WWOX: variants seen among roughly 807,000 people sequenced by gnomAD.
The protein encoded by WWOX is WW domain containing oxidoreductase, also known as WW domain-containing oxidoreductase.
Under a neutral mutation model 46.2 loss-of-function variants are expected in WWOX, and 69 were observed. That is an observed-to-expected ratio of 1.49 (90% confidence interval 1.23 to 1.82). The LOEUF (loss-of-function observed/expected upper bound fraction) is 1.82, where lower values mean the gene tolerates loss of function less well. WWOX is among the 40% of genes most tolerant of loss of function. The pLI, the probability that WWOX is intolerant of heterozygous loss-of-function variation, is 0.00. For missense variants in WWOX, 919 were observed against 542.6 expected (o/e 1.69, Z -6.89); for synonymous variants, 359 against 202.6 (o/e 1.77, Z -6.56).
intron 8 of WWOX, among the ~76,000 whole-genome samples, chr16:78,574,314 C>G (rs549614854): frequency 1.3e-5 from 2 of 152,310 alleles, no homozygotes; most frequent in African/African-American, 4.8e-5. Context: ...AGTCAGAAGT[C>G]CTGCACACAT....
chr16:78,901,957 C>G (rs1470122646), intron 8 of WWOX, among the ~76,000 whole-genome samples: 2 of 152,184 alleles, frequency 1.3e-5, no homozygotes, highest in Non-Finnish European at 2.9e-5. Flanking sequence ...CATTCCCACT[C>G]CATTATGTGT....
intron 8 of WWOX, among the ~76,000 whole-genome samples, chr16:78,999,830 G>C (rs1444854129): frequency 6.6e-6 from 1 of 152,148 alleles, no homozygotes; most frequent in Non-Finnish European, 1.5e-5. Context: ...ATGCGTGTAA[G>C]AAATTGGCAC....
chr16:78,497,636 C>T (rs1046362705), intron 8 of WWOX, among the ~76,000 whole-genome samples: 54 of 152,060 alleles, frequency 3.6e-4, no homozygotes, highest in African/African-American at 1.2e-3. Flanking sequence ...AAAAATGGCC[C>T]TTCCAACATC....
At chr16:78,588,183 G>A (rs898035873) in intron 8 of WWOX, among the ~76,000 whole-genome samples, 4 of 152,180 alleles carry the variant, frequency 2.6e-5, no homozygotes, top group Non-Finnish European at 5.9e-5. Flanking sequence ...TCCCCTGGGT[G>A]GCTCCATTGC....
chr16:79,033,234 A>G (rs1303695570), intron 8 of WWOX, among the ~76,000 whole-genome samples: 1 of 147,456 alleles, frequency 6.8e-6, no homozygotes, highest in Non-Finnish European at 1.5e-5. Context: ...GGGTAAAACA[A>G]AGTCTATAAA....
rs765069913 is a variant in WWOX at position 78,775,596 on chromosome 16, C to G, written c.1056+342844C>G. 3.3e-5 allele frequency among the ~76,000 whole-genome samples: 5 copies of G among 152,256 alleles called. No homozygotes were observed. In the East Asian group the frequency reaches 9.7e-4, roughly 29 times the overall value. On this transcript the variant is annotated intron_variant, in intron 8 of 8. Coordinates refer to ENST00000566780, the MANE Select transcript of WWOX (RefSeq NM_016373.4). ...TGGAGGGCATGGTGTTTCACTCCCC[C>G]ACCTCTCCCCACAACTTCACCCTGC... is the stretch of plus-strand genomic sequence containing the variant.
intron 5 of WWOX, among the ~76,000 whole-genome samples, chr16:78,188,940 C>T (rs1422904436): frequency 6.6e-6 from 1 of 151,698 alleles, no homozygotes; most frequent in East Asian, 1.9e-4. Flanking sequence ...AAGCAGGGTA[C>T]AAGGAAAAGG....
chr16:78,523,987 A>G (rs1044081805), intron 8 of WWOX, among the ~76,000 whole-genome samples: 5 of 152,214 alleles, frequency 3.3e-5, no homozygotes, highest in African/African-American at 1.2e-4. Context: ...CTACTATACA[A>G]ATACACAATT....
chr16:78,975,234 G>T lies in WWOX; in HGVS notation c.1057-236374G>T, dbSNP rs972923522. Among the ~76,000 whole-genome samples, 3 of 152,138 alleles carry T rather than the reference G, an allele frequency of 2.0e-5. No individual in the cohort carries two copies. The East Asian group carries it at 5.8e-4, about 29-fold the overall frequency. ...ATCTGGTTCAAGGGTTCTCAGATGG[G>T]ACCACTTTTGCACCCAGGGAAGGTG... is the stretch of plus-strand genomic sequence containing the variant. On this transcript the variant is annotated intron_variant, in intron 8 of 8. Transcript: ENST00000566780.
At chr16:78,152,637 G>A (rs967039847) in intron 4 of WWOX, among the ~76,000 whole-genome samples, 9 of 152,096 alleles carry the variant, frequency 5.9e-5, no homozygotes, top group African/African-American at 1.9e-4. Context: ...TAATCTTTGG[G>A]CATTTTTCTC....
At chr16:78,215,435 GTT>G (rs1038491740) in intron 5 of WWOX, among the ~76,000 whole-genome samples, 1 of 152,158 alleles carries the variant, frequency 6.6e-6, no homozygotes, top group African/African-American at 2.4e-5. Flanking sequence ...AGATCTGATA[GTT>G]TTATAAATGG....
intron 8 of WWOX, among the ~76,000 whole-genome samples, chr16:78,657,292 C>T (rs1272676668): frequency 6.6e-6 from 1 of 152,154 alleles, no homozygotes; most frequent in South Asian, 2.1e-4. Context: ...TTCCACCCTT[C>T]CAAATGCCCT....
At chr16:78,997,808 C>G (rs921963811) in intron 8 of WWOX, among the ~76,000 whole-genome samples, 5 of 152,132 alleles carry the variant, frequency 3.3e-5, no homozygotes, top group African/African-American at 7.2e-5. Context: ...AATAGATTTT[C>G]TCTGCAGATT....
intron 8 of WWOX, chr16:79,206,221 G>C (rs549672199): frequency 5.2e-4 from 80 of 152,394 alleles, no homozygotes; most frequent in African/African-American, 1.9e-3. Context: ...CTCATGGCCA[G>C]ACATGGCCTG....
chr16:78,874,555 AT>A (rs2044195510), intron 8 of WWOX, among the ~76,000 whole-genome samples: 2 of 152,122 alleles, frequency 1.3e-5, no homozygotes, highest in Non-Finnish European at 1.5e-5. Context: ...GATGTTATTC[AT>A]GGCAAAAGAT....
chr16:78,586,164 C>T (rs1041749246), intron 8 of WWOX, among the ~76,000 whole-genome samples: 1 of 152,020 alleles, frequency 6.6e-6, no homozygotes, highest in Non-Finnish European at 1.5e-5. Flanking sequence ...CAAGACTAGC[C>T]TGGGCAACAT....
chr16:78,849,092 C>A (rs1333036407), intron 8 of WWOX, among the ~76,000 whole-genome samples: 1 of 152,158 alleles, frequency 6.6e-6, no homozygotes, highest in Non-Finnish European at 1.5e-5. Context: ...CCAGGGTCTA[C>A]TTGGTGTCCC....
chr16:78,340,477 A>G (rs1009130621), intron 5 of WWOX, among the ~76,000 whole-genome samples: 2 of 120,622 alleles, frequency 1.7e-5, no homozygotes, highest in Non-Finnish European at 4.0e-5. Context: ...CCAATGTGCT[A>G]GGATTACAGG....
At chr16:78,183,213 A>T (rs1242502273) in intron 5 of WWOX, among the ~76,000 whole-genome samples, 1 of 152,122 alleles carries the variant, frequency 6.6e-6, no homozygotes, top group Non-Finnish European at 1.5e-5. Context: ...ACGTAAATTA[A>T]TAGTAATAAT....
Sources: gnomAD v4.1 joint callset for allele counts (sites outside exome capture counted in the v4.1 genomes callset) on GRCh38, gnomAD v4.1.1 for gene constraint, MANE v1.5 for transcripts, NCBI Gene and HGNC (gene_info 2026-07-23, HGNC 2026-07-21) for gene names.